ARMC2: variants seen among roughly 807,000 people sequenced by gnomAD.
ARMC2 encodes armadillo repeat-containing protein 2.
ARMC2 carries 67 observed loss-of-function variants against 90.3 expected under a neutral mutation model. The observed-to-expected ratio is 0.74, with a 90% CI of 0.61 to 0.91. The LOEUF is 0.91. Among genes scored for constraint, ARMC2 ranks in the 40% least tolerant of loss-of-function variants. ARMC2 has a pLI of 0.00. For missense variants in ARMC2, 920 were observed against 1,030.9 expected, an observed-to-expected ratio of 0.89 and a Z score of 1.47; for synonymous variants, 393 against 393.0, an observed-to-expected ratio of 1.00 and a Z score of 0.00.
chr6:108,871,038 G>A (rs1394601210), intron 4 of ARMC2, among the ~76,000 whole-genome samples: 1 of 152,176 alleles, frequency 6.6e-6, no homozygotes, highest in Non-Finnish European at 1.5e-5. Flanking sequence ...AGCTGAATAG[G>A]AAGGTGCCTC....
intron 3 of ARMC2, among the ~76,000 whole-genome samples, chr6:108,864,997 A>ATTTTTTTTTTTT (rs36025894): frequency 7.5e-6 from 1 of 132,836 alleles, no homozygotes; most frequent in African/African-American, 2.8e-5. Flanking sequence ...TCTCAAGTGA[A>ATTTTTTTTTTTT]TTTTTTTTTT....
chr6:108,854,376 T>A lies in ARMC2; in HGVS notation c.109T>A (p.Leu37Ile). 6.2e-7 allele frequency: 1 copy of A among 1,613,112 alleles called. No homozygotes were observed. Among genetic ancestry groups the A allele is most frequent in the East Asian group, 2.2e-5 (1 of 44,766 alleles). ...AATCATAAGTGAAGCAAGAAATGCATTAAGAACAGTTAGAACCCAAAGACC... is the reference window on the plus strand; with the variant it reads ...AATCATAAGTGAAGCAAGAAATGCAATAAGAACAGTTAGAACCCAAAGACC... ...AEIISEARNA[L>I]RTVRTQRPFT... The change falls in exon 2 of 18, where the codon TTA becomes ATA. Residue 37 changes from leucine to isoleucine, a missense_variant. By Grantham distance (5) the Leu-to-Ile change is conservative. Coordinates refer to ENST00000392644, the MANE Select transcript of ARMC2 (RefSeq NM_032131.6).
At chr6:108,992,636 A>G in the ARMC2 span, 1 of 649,190 alleles carries the variant, frequency 1.5e-6, no homozygotes, top group Non-Finnish European at 2.7e-6. Flanking sequence ...TGGATGAATT[A>G]GAAACAGTCT....
At chr6:108,989,383 TTCTC>T in the ARMC2 span, among the ~76,000 whole-genome samples, 63 of 151,640 alleles carry the variant, frequency 4.2e-4, no homozygotes, top group South Asian at 3.5e-3. Flanking sequence ...TACTAGTACT[TTCTC>T]TCTCTCTATA....
chr6:108,956,225 C>T (rs1486303231), intron 13 of ARMC2, among the ~76,000 whole-genome samples: 1 of 152,138 alleles, frequency 6.6e-6, no homozygotes, highest in Non-Finnish European at 1.5e-5. Context: ...CTGTGAACAG[C>T]CAAGGAGTAG....
chr6:108,857,408 C>G (rs1774750029), intron 2 of ARMC2, among the ~76,000 whole-genome samples: 1 of 152,122 alleles, frequency 6.6e-6, no homozygotes, highest in Non-Finnish European at 1.5e-5. Flanking sequence ...GTTCCTGGAG[C>G]TTTTTGTCAG....
chr6:108,924,473 G>T (rs945797935), intron 10 of ARMC2, among the ~76,000 whole-genome samples: 3 of 149,484 alleles, frequency 2.0e-5, no homozygotes, highest in Non-Finnish European at 4.4e-5. Flanking sequence ...AGCCGAGATC[G>T]AGACTCTGTC....
At chr6:108,920,670 T>C (rs1774467801) in intron 10 of ARMC2, among the ~76,000 whole-genome samples, 1 of 152,098 alleles carries the variant, frequency 6.6e-6, no homozygotes, top group Admixed American at 6.6e-5. Flanking sequence ...GGGATGGGGA[T>C]AAAGTTATCA....
At chr6:108,955,537 A>G (rs2128506875) in intron 13 of ARMC2, among the ~76,000 whole-genome samples, 1 of 152,242 alleles carries the variant, frequency 6.6e-6, no homozygotes, top group East Asian at 1.9e-4. Context: ...TGGCAAAGTC[A>G]CCGGGCCCCT....
Position 108,858,236 on chromosome 6 carries a change from C to A in ARMC2, c.256C>A (p.Pro86Thr), listed in dbSNP as rs367971410. ...CAGTTTTGAGTCATCTGATTCCAGG[C>A]CTATCTCTGGCACACGTCTTAGTCC... ...ASSFESSDSRPISGTRLSPLE... is the reference protein window; with the variant it reads ...ASSFESSDSRTISGTRLSPLE... Residue 86 changes from proline to threonine, a missense_variant, in exon 3 of 18, where the codon CCT (proline) becomes ACT (threonine). Pro to Thr is a conservative substitution (Grantham distance 38, BLOSUM62 -1). Coordinates refer to ENST00000392644, the MANE Select transcript of ARMC2 (RefSeq NM_032131.6). 1 of 1,611,202 alleles carries A rather than the reference C, an allele frequency of 6.2e-7. No individual in the cohort carries two copies. Among genetic ancestry groups the A allele is most frequent in the African/African-American group, 1.3e-5 (1 of 74,960 alleles).
intron 3 of ARMC2, among the ~76,000 whole-genome samples, chr6:108,866,790 T>C (rs1775865251): frequency 6.6e-6 from 1 of 152,210 alleles, no homozygotes; most frequent in East Asian, 1.9e-4. Context: ...TAGAAAAATG[T>C]GTCTTTAATA....
intron 15 of ARMC2, among the ~76,000 whole-genome samples, chr6:108,963,730 A>G (rs1024726500): frequency 3.9e-5 from 6 of 152,204 alleles, no homozygotes; most frequent in African/African-American, 1.4e-4. Context: ...GTTGGTTTTT[A>G]GCAGTCTGAG....
chr6:109,018,571 G>A, the ARMC2 span, among the ~76,000 whole-genome samples: 1,393 of 123,940 alleles, frequency 0.011, 14 homozygotes, highest in Non-Finnish European at 0.017. Flanking sequence ...AATGTTGAAG[G>A]AACAGATTGC....
chr6:108,890,811 G>A (rs1234627873), intron 5 of ARMC2, among the ~76,000 whole-genome samples: 1 of 152,120 alleles, frequency 6.6e-6, no homozygotes, highest in Non-Finnish European at 1.5e-5. Flanking sequence ...TGCAGAAAGT[G>A]CAGTTTCATA....
At chr6:108,941,316 G>T (rs1776417792) in intron 12 of ARMC2, among the ~76,000 whole-genome samples, 1 of 152,078 alleles carries the variant, frequency 6.6e-6, no homozygotes, top group South Asian at 2.1e-4. Context: ...ACATTTTTAA[G>T]ACTTTAACAT....
rs957893012 is a variant in ARMC2 at position 108,953,434 on chromosome 6, G to A, written c.1915+83G>A. On this transcript the variant is annotated intron_variant, in intron 13 of 17. Transcript: ENST00000392644. ...GACAGTTCTGTGTCTGTGGTGTGAT[G>A]AGGATTTTATTATCACAAGTGGCTC... 6.5e-6 allele frequency: 9 copies of A among 1,378,492 alleles called. No individual in the cohort carries two copies. In the Admixed American group the frequency reaches 7.9e-5, roughly 12 times the overall value. The allele number at this position is 1,378,492 out of a possible 1,614,324, so 85.4% of individuals were successfully genotyped here. A position where few individuals can be genotyped will look rare whatever the true frequency, so the allele number is the denominator to read the frequency against.
chr6:108,952,454 C>A (rs1397649702), intron 12 of ARMC2, among the ~76,000 whole-genome samples: 2 of 151,284 alleles, frequency 1.3e-5, no homozygotes, highest in Non-Finnish European at 2.9e-5. Flanking sequence ...CGTAACACAG[C>A]GCTTCTCCAC....
chr6:108,988,606 A>G, the ARMC2 span: 26 of 1,613,248 alleles, frequency 1.6e-5, no homozygotes, highest in Non-Finnish European at 2.1e-5. Context: ...CCTTTTCAGG[A>G]GTGCAAACAA....
chr6:109,046,673 G>A, the ARMC2 span, among the ~76,000 whole-genome samples: 1 of 137,922 alleles, frequency 7.3e-6, no homozygotes, highest in South Asian at 2.7e-4. Context: ...CATCTAGGAA[G>A]TGAGGAGCGT....
Sources: allele counts gnomAD v4.1 joint callset (sites outside exome capture counted in the v4.1 genomes callset), GRCh38; gene constraint gnomAD v4.1.1; transcripts MANE v1.5; gene names NCBI Gene and HGNC (gene_info 2026-07-23, HGNC 2026-07-21).